BRF1: variants seen among roughly 807,000 people sequenced by gnomAD.
The protein encoded by BRF1 is transcription factor IIIB 90 kDa subunit.
In BRF1, 59 loss-of-function variants were observed where a neutral mutation model predicts 81.7. That is an observed-to-expected ratio of 0.72 (90% CI 0.59 to 0.90). The LOEUF is 0.90. Ranked by LOEUF, BRF1 falls within the 40% of genes least tolerant of loss-of-function variation. The pLI is 0.00. For missense variants in BRF1, 1,050 were observed against 936.3 expected (o/e 1.12, Z -1.58); for synonymous variants, 491 against 395.6 (o/e 1.24, Z -2.86).
intron 2 of BRF1, among the ~76,000 whole-genome samples, chr14:105,283,603 T>C (rs587728875): frequency 2.0e-4 from 31 of 152,348 alleles, no homozygotes; most frequent in Admixed American, 2.6e-4. Context: ...CAAAGGTATT[T>C]AAAAGGCTTT....
At chr14:105,254,499 T>C (rs2055770626) in intron 4 of BRF1, among the ~76,000 whole-genome samples, 1 of 152,162 alleles carries the variant, frequency 6.6e-6, no homozygotes, top group Non-Finnish European at 1.5e-5. Context: ...CCTCCTGATC[T>C]GCCCGCCTCG....
At chr14:105,261,937 G>GC (rs1302240345) in intron 3 of BRF1, among the ~76,000 whole-genome samples, 6 of 151,988 alleles carry the variant, frequency 3.9e-5, no homozygotes, top group South Asian at 2.1e-4. Flanking sequence ...CCTTCTGCAG[G>GC]CCCCCCCTGC....
chr14:105,247,837 G>A (rs949603260), intron 5 of BRF1: 8 of 985,648 alleles, frequency 8.1e-6, no homozygotes, highest in African/African-American at 1.7e-5. Flanking sequence ...AGGTGACACG[G>A]CCTCTGAAGT....
chr14:105,269,356 G>A lies in BRF1; in HGVS notation c.439+3365C>T, dbSNP rs587709740. On this transcript the variant is annotated intron_variant, in intron 3 of 17. Coordinates refer to ENST00000547530, the MANE Select transcript of BRF1 (RefSeq NM_001519.4). This position sits in a 1 kb window ranked among gnomAD's most constrained non-coding sequence, Gnocchi z 5.0. The stretch of plus-strand genomic sequence containing the variant: ...CAGAGGGGATAGAGTGCGGCCTCCC[G>A]TGAGCACAGTCCTGTTCCAAGCTGT... Among the ~76,000 whole-genome samples, 25 of 152,296 alleles carry A rather than the reference G, an allele frequency of 1.6e-4. No individual in the cohort carries two copies. Among genetic ancestry groups the A allele is most frequent in the Admixed American group, 3.9e-4 (6 of 15,298 alleles).
At chr14:105,293,169 C>T (rs949234143) in intron 1 of BRF1, among the ~76,000 whole-genome samples, 1 of 152,190 alleles carries the variant, frequency 6.6e-6, no homozygotes, top group Non-Finnish European at 1.5e-5. Flanking sequence ...TGCTCAGAAC[C>T]CCAGGCCGCA....
At chr14:105,211,335 C>T in intron 16 of BRF1, 42 bp from the exon 17 acceptor site, 1 of 1,516,164 alleles carries the variant, frequency 6.6e-7, no homozygotes, top group Non-Finnish European at 8.9e-7. Context: ...AGCTGGGAGC[C>T]CTGTGTATCT....
chr14:105,268,254 T>C (rs2056508446), intron 3 of BRF1, among the ~76,000 whole-genome samples: 1 of 152,260 alleles, frequency 6.6e-6, no homozygotes, highest in Non-Finnish European at 1.5e-5. Flanking sequence ...ACAAACTACC[T>C]GCTCGACAAT....
intron 15 of BRF1, chr14:105,212,718 A>G (rs3784230): frequency 0.51 from 79,142 of 154,148 alleles, 24,509 homozygotes; most frequent in African/African-American, 0.87. Context: ...GGCATTACCC[A>G]CAACCTCCAG....
intron 15 of BRF1, among the ~76,000 whole-genome samples, chr14:105,215,639 CAG>C (rs1891035421): frequency 6.8e-6 from 1 of 146,798 alleles, no homozygotes; most frequent in South Asian, 2.2e-4. Context: ...ACTGCATACA[CAG>C]ACACAGGCAC....
In BRF1 at chr14:105,241,431, A is replaced by T. The variant is rs1595349272; in HGVS notation, c.545-17T>A. ...GGCACGGGTCTGCGGCAGACACAGC[A>T]CCTCAGTGCCCACCTCCATGTGCCA... On this transcript the variant is annotated splice_polypyrimidine_tract_variant and intron_variant, in intron 5 of 17. Transcript: ENST00000547530. The T allele has an allele frequency of 6.2e-7, 1 of 1,609,212 alleles. No homozygotes were observed. Among genetic ancestry groups the T allele is most frequent in the Non-Finnish European group, 8.5e-7 (1 of 1,179,788 alleles).
chr14:105,252,781 T>G lies in BRF1; in HGVS notation c.472-202A>C, dbSNP rs147385491. Among the ~76,000 whole-genome samples the G allele has an allele frequency of 3.6e-3, 551 of 152,314 alleles. 1 individual carries two copies. Among genetic ancestry groups the G allele is most frequent in the African/African-American group, 0.013 (528 of 41,566 alleles). ...TGCCTTCTTCCTCTAAGCCGCTGCT[T>G]TAGGCCGTGCTGCCGTCTCGCCAAT... On this transcript the variant is annotated intron_variant, in intron 4 of 17. Transcript: ENST00000547530.
Position 105,248,270 on chromosome 14 carries a change from G to A in BRF1, c.544+4237C>T, listed in dbSNP as rs1016809145. ...CAGGCCGCGGCCAGAGGCAGACTCC[G>A]GAATGCAAATGGCCAAACAAGCAGG... On this transcript the variant is annotated intron_variant, in intron 5 of 17. Transcript: ENST00000547530. 1.5e-5 allele frequency: 15 copies of A among 985,332 alleles called. No individual in the cohort carries two copies. The African/African-American group carries it at 2.4e-4, about 16-fold the overall frequency. The allele number at this position is 985,332 out of a possible 1,614,324, so 61.0% of individuals were successfully genotyped here.
chr14:105,279,968 G>A (rs1293159800), intron 2 of BRF1, among the ~76,000 whole-genome samples: 1 of 152,242 alleles, frequency 6.6e-6, no homozygotes, highest in Non-Finnish European at 1.5e-5. Flanking sequence ...AGCCACAGGA[G>A]CTCTCCTTCC....
intron 3 of BRF1, among the ~76,000 whole-genome samples, chr14:105,264,773 C>T (rs1008866455): frequency 3.3e-5 from 5 of 150,054 alleles, no homozygotes; most frequent in African/African-American, 4.9e-5. Flanking sequence ...CCTGGGAGGT[C>T]AAGGCTGCAG....
At chr14:105,212,310 T>C (rs111552628) in intron 15 of BRF1, 146 bp from the exon 16 acceptor site, 2 of 1,062,062 alleles carry the variant, frequency 1.9e-6, no homozygotes, top group African/African-American at 3.1e-5. Context: ...CCAGGTTCTG[T>C]GTGCTCCATC....
chr14:105,246,676 CA>C (rs1467090225), intron 5 of BRF1, among the ~76,000 whole-genome samples: 8 of 151,890 alleles, frequency 5.3e-5, no homozygotes. Flanking sequence ...AGGCTGGTCT[CA>C]AACTCCTGAC....
chr14:105,283,572 A>G (rs2057199041), intron 2 of BRF1, among the ~76,000 whole-genome samples: 1 of 152,162 alleles, frequency 6.6e-6, no homozygotes, highest in Non-Finnish European at 1.5e-5. Flanking sequence ...GTATGTTCCA[A>G]TTTTCATTTC....
intron 2 of BRF1, among the ~76,000 whole-genome samples, chr14:105,278,427 C>A (rs1299836228): frequency 7.1e-6 from 1 of 141,292 alleles, no homozygotes; most frequent in Non-Finnish European, 1.5e-5. Context: ...AGAGCGAGAC[C>A]CTGTCTCCAA....
Position 105,217,632 on chromosome 14 carries a change from C to A in BRF1, c.1684G>T (p.Glu562Ter). 1 of 1,613,366 alleles carries A rather than the reference C, an allele frequency of 6.2e-7. No individual in the cohort carries two copies. Among genetic ancestry groups the A allele is most frequent in the Non-Finnish European group, 8.5e-7 (1 of 1,180,016 alleles). Residue 562 changes from glutamate to a stop codon, truncating the protein, a stop_gained, in exon 15 of 18, where the codon GAG becomes TAG. Coordinates refer to ENST00000547530, the MANE Select transcript of BRF1 (RefSeq NM_001519.4). LOFTEE classifies it high-confidence loss of function. Reference protein sequence around the residue: ...GSPHREDAQPEHSASARKLSR... With the variant: ...GSPHREDAQP ...AGCTTCCTGGCACTGGCGCTATGCTCGGGCTGTGCATCCTCCCTGTGCGGA... is the reference window on the plus strand; with the variant it reads ...AGCTTCCTGGCACTGGCGCTATGCTAGGGCTGTGCATCCTCCCTGTGCGGA...
Sources: gnomAD v4.1 joint callset for allele counts (sites outside exome capture counted in the v4.1 genomes callset) on GRCh38, gnomAD v4.1.1 for gene constraint, Gnocchi (gnomAD v3.1) non-coding constraint, MANE v1.5 for transcripts, NCBI Gene and HGNC (gene_info 2026-07-23, HGNC 2026-07-21) for gene names.